NHSL1: variants seen among roughly 807,000 people sequenced by gnomAD.
NHSL1 encodes the protein NHS-like protein 1.
In NHSL1, 48 loss-of-function variants were observed where a neutral mutation model predicts 95.0. The ratio of observed to expected loss-of-function variants is 0.51; its 90% CI spans 0.40 to 0.64. NHSL1 has a LOEUF of 0.64. NHSL1 is among the 30% of genes least tolerant of loss of function. The pLI is 0.00. For missense variants in NHSL1, 1,971 were observed against 2,077.7 expected (o/e 0.95, Z 1.00); for synonymous variants, 783 against 833.9 (o/e 0.94, Z 1.05).
At chr6:138,610,504 C>T (rs1370508828) in intron 1 of NHSL1, among the ~76,000 whole-genome samples, 1 of 149,938 alleles carries the variant, frequency 6.7e-6, no homozygotes, top group Non-Finnish European at 1.5e-5. Flanking sequence ...CAAACCTGCA[C>T]GTTGCGCACA....
chr6:138,440,691 T>C (rs1254186053), intron 5 of NHSL1, among the ~76,000 whole-genome samples: 1 of 152,216 alleles, frequency 6.6e-6, no homozygotes, highest in African/African-American at 2.4e-5. Context: ...GTCTGTGCTC[T>C]CTAATACAAG....
At chr6:138,530,513 T>C (rs907832788) in intron 1 of NHSL1, among the ~76,000 whole-genome samples, 4 of 152,240 alleles carry the variant, frequency 2.6e-5, no homozygotes, top group Admixed American at 2.0e-4. Flanking sequence ...ATTGCAAAAA[T>C]GTGGAACCAG....
chr6:138,556,596 G>C (rs150414815), intron 1 of NHSL1, among the ~76,000 whole-genome samples: 130 of 150,458 alleles, frequency 8.6e-4, no homozygotes, highest in African/African-American at 3.1e-3. Flanking sequence ...GGGGATTATA[G>C]CATTTCAACA....
chr6:138,619,282 G>T (rs963383023), intron 1 of NHSL1, among the ~76,000 whole-genome samples: 1 of 152,124 alleles, frequency 6.6e-6, no homozygotes, highest in Non-Finnish European at 1.5e-5. Flanking sequence ...ATGTTGCAGT[G>T]AGCCGAGATC....
At chr6:138,558,375 G>A (rs1203037523) in intron 1 of NHSL1, among the ~76,000 whole-genome samples, 1 of 150,590 alleles carries the variant, frequency 6.6e-6, no homozygotes, top group Non-Finnish European at 1.5e-5. Flanking sequence ...ACCTGCGTCA[G>A]CCTCCCAAAG....
chr6:138,681,560 G>A (rs1358473297), intron 1 of NHSL1, among the ~76,000 whole-genome samples: 1 of 152,182 alleles, frequency 6.6e-6, no homozygotes, highest in African/African-American at 2.4e-5. Flanking sequence ...GAATATCCTG[G>A]GAGAAGCAGG....
chr6:138,455,517 TGCAAGGAGCCCCGCCTTCACATGCTC>T lies in NHSL1; in HGVS notation c.340-8350_340-8325del, dbSNP rs1562287873. Among the ~76,000 whole-genome samples, 76 of 90,468 alleles carry T rather than the reference TGCAAGGAGCCCCGCCTTCACATGCTC, an allele frequency of 8.4e-4. No individual in the cohort carries two copies. In the East Asian group the frequency reaches 0.017, roughly 20 times the overall value. The allele number at this position is 90,468 out of a possible 152,430, so 59.4% of individuals were successfully genotyped here. On this transcript the variant is annotated intron_variant, in intron 3 of 7. Transcript: ENST00000343505. ...AGGAGCCCCGCCTTCACATGCTCCC[TGCAAGGAGCCCCGCCTTCACATGCTC>T]CCTGCAAGGAGCCCCGCCTTCGCAT...
At chr6:138,663,212 A>T (rs943429589) in intron 1 of NHSL1, among the ~76,000 whole-genome samples, 2 of 152,224 alleles carry the variant, frequency 1.3e-5, no homozygotes, top group African/African-American at 4.8e-5. Context: ...ACTTGAAAAA[A>T]GCAAGTAACA....
chr6:138,430,567 T>G lies in NHSL1; in HGVS notation c.3778A>C (p.Thr1260Pro), dbSNP rs1775566996. Residue 1260 changes from threonine to proline, a missense_variant, in exon 6 of 8, where the codon ACC becomes CCC. Transcript: ENST00000343505. This position sits in a 1 kb window ranked among gnomAD's most constrained non-coding sequence, Gnocchi z 4.7. The stretch of plus-strand genomic sequence containing the variant: ...GCAGCTCCTCCCTCAAGAACCGAGG[T>G]GCCAGGGTGCGTGGCATGAGAGCCA... ...QAGSHATHPGTSVLEGGAAGS... is the reference protein window; with the variant it reads ...QAGSHATHPGPSVLEGGAAGS... 4 of 1,550,720 alleles carry G rather than the reference T, an allele frequency of 2.6e-6. No individual in the cohort carries two copies. The East Asian group carries it at 9.8e-5, about 38-fold the overall frequency.
At chr6:138,457,040 C>G (rs1014427677) in intron 3 of NHSL1, among the ~76,000 whole-genome samples, 3 of 152,080 alleles carry the variant, frequency 2.0e-5, no homozygotes, top group Non-Finnish European at 4.4e-5. Flanking sequence ...GCCACCACGC[C>G]TGGCTAATTT....
intron 1 of NHSL1, among the ~76,000 whole-genome samples, chr6:138,671,481 G>T (rs927171958): frequency 6.6e-6 from 1 of 151,666 alleles, no homozygotes; most frequent in Admixed American, 6.6e-5. Context: ...CAGAGGCAGG[G>T]CTCCACCAAA....
intron 1 of NHSL1, among the ~76,000 whole-genome samples, chr6:138,513,465 G>C (rs997840817): frequency 6.6e-6 from 1 of 152,046 alleles, no homozygotes; most frequent in Non-Finnish European, 1.5e-5. Context: ...CAACTCCTGT[G>C]CTCAAGCAAT....
intron 3 of NHSL1, chr6:138,470,403 C>T (rs1405448316): frequency 1.3e-5 from 2 of 152,216 alleles, no homozygotes; most frequent in Non-Finnish European, 2.9e-5. Context: ...AATCCTCCCA[C>T]CTTAGCCTCC....
intron 1 of NHSL1, among the ~76,000 whole-genome samples, chr6:138,562,109 C>G (rs777690498): frequency 6.6e-6 from 1 of 152,132 alleles, no homozygotes; most frequent in African/African-American, 2.4e-5. Flanking sequence ...CCCAGCCTCA[C>G]ACCACACACA....
At chr6:138,564,208 C>T (rs1057474857) in intron 1 of NHSL1, among the ~76,000 whole-genome samples, 1 of 152,156 alleles carries the variant, frequency 6.6e-6, no homozygotes, top group Non-Finnish European at 1.5e-5. Context: ...GAGTTGAGAG[C>T]ACTGGGAATA....
intron 1 of NHSL1, among the ~76,000 whole-genome samples, chr6:138,542,209 C>T (rs763296653): frequency 6.6e-6 from 1 of 152,078 alleles, no homozygotes; most frequent in Non-Finnish European, 1.5e-5. Context: ...GTGATGCTAC[C>T]GAAAGCCAAG....
chr6:138,597,505 C>T (rs1279863484), intron 1 of NHSL1, among the ~76,000 whole-genome samples: 1 of 152,288 alleles, frequency 6.6e-6, no homozygotes, highest in East Asian at 1.9e-4. Flanking sequence ...TTCCAGGTCC[C>T]GGGTACATGT....
intron 1 of NHSL1, among the ~76,000 whole-genome samples, chr6:138,642,363 T>G (rs1309823446): frequency 6.6e-6 from 1 of 152,182 alleles, no homozygotes; most frequent in African/African-American, 2.4e-5. Flanking sequence ...GGAAAAGACT[T>G]TGAAGAGAAC....
At chr6:138,478,012 CTTTTTTT>C (rs71009589) in intron 2 of NHSL1, among the ~76,000 whole-genome samples, 9 of 30,016 alleles carry the variant, frequency 3.0e-4, no homozygotes, top group Admixed American at 1.7e-3. Context: ...ATTTATGTCA[CTTTTTTT>C]TTTTTTTTTT....
Sources: gnomAD v4.1 joint callset for allele counts (sites outside exome capture counted in the v4.1 genomes callset) on GRCh38, gnomAD v4.1.1 for gene constraint, Gnocchi (gnomAD v3.1) non-coding constraint, MANE v1.5 for transcripts, NCBI Gene and HGNC (gene_info 2026-07-23, HGNC 2026-07-21) for gene names.